The following ARHGAP42 variants were observed in gnomAD, a reference collection of about 807,000 sequenced individuals.
ARHGAP42 encodes Rho GTPase activating protein 42, also known as rho GTPase-activating protein 42.
In ARHGAP42, 63 loss-of-function variants were observed where a neutral mutation model predicts 125.0. The ratio of observed to expected loss-of-function variants is 0.50; its 90% confidence interval spans 0.41 to 0.62. The LOEUF (loss-of-function observed/expected upper bound fraction) is 0.62, where lower values mean the gene tolerates loss of function less well. ARHGAP42 is among the 20% of genes least tolerant of loss of function. The pLI is 0.00. For missense variants in ARHGAP42, 766 were observed against 1,024.2 expected (o/e 0.75, Z 3.44); for synonymous variants, 339 against 351.0 (o/e 0.97, Z 0.38).
chr11:100,698,642 T>C (rs1271811266), intron 1 of ARHGAP42, among the ~76,000 whole-genome samples: 3 of 152,128 alleles, frequency 2.0e-5, no homozygotes, highest in African/African-American at 4.8e-5. Context: ...GATCGTGCCA[T>C]TGTACTCTAG....
chr11:100,758,858 C>A (rs1486066128), intron 1 of ARHGAP42, among the ~76,000 whole-genome samples: 1 of 152,100 alleles, frequency 6.6e-6, no homozygotes, highest in African/African-American at 2.4e-5. Context: ...CAGAATTTAA[C>A]TAGTAGTGAG....
At chr11:100,887,407 C>T (rs1160009861) in intron 4 of ARHGAP42, among the ~76,000 whole-genome samples, 1 of 152,134 alleles carries the variant, frequency 6.6e-6, no homozygotes, top group Admixed American at 6.5e-5. Flanking sequence ...CATGATCTCT[C>T]CTCTGAGATT....
At chr11:100,951,299 C>T (rs1055989681) in intron 12 of ARHGAP42, among the ~76,000 whole-genome samples, 3 of 151,962 alleles carry the variant, frequency 2.0e-5, no homozygotes, top group Non-Finnish European at 4.4e-5. Flanking sequence ...TTATTGGAAT[C>T]AAGGAAAGTG....
At chr11:100,819,382 A>T (rs1864352850) in intron 3 of ARHGAP42, among the ~76,000 whole-genome samples, 1 of 152,074 alleles carries the variant, frequency 6.6e-6, no homozygotes, top group Admixed American at 6.6e-5. Context: ...TGGCAGGGAT[A>T]ATAACTTATG....
At chr11:100,852,585 A>T (rs1249816173) in intron 3 of ARHGAP42, among the ~76,000 whole-genome samples, 1 of 152,168 alleles carries the variant, frequency 6.6e-6, no homozygotes, top group Non-Finnish European at 1.5e-5. Context: ...ACACAAAGCC[A>T]CTTTCCCCCA....
At chr11:100,815,756 G>A (rs1239443224) in intron 3 of ARHGAP42, among the ~76,000 whole-genome samples, 2 of 152,180 alleles carry the variant, frequency 1.3e-5, no homozygotes, top group South Asian at 4.2e-4. Context: ...TCTAGAACTT[G>A]TCATCTTGCA....
chr11:100,789,911 G>A lies in ARHGAP42; in HGVS notation c.251-5194G>A, dbSNP rs1007191540. ...ACTTCTGGAAGAAATTTTTAACACA[G>A]CATTGTCTGATTATGATATAAATGT... On this transcript the variant is annotated intron_variant, in intron 2 of 23. Transcript: ENST00000298815. Among the ~76,000 whole-genome samples the A allele has an allele frequency of 5.3e-5, 8 of 152,134 alleles. No individual in the cohort carries two copies. In the South Asian group the frequency reaches 6.2e-4, roughly 12 times the overall value.
At position 100,812,346 on chromosome 11, in the gene ARHGAP42, A is replaced by G. The variant is rs145420912; in HGVS notation, c.312+17180A>G. Among the ~76,000 whole-genome samples the G allele has an allele frequency of 1.3e-4, 20 of 152,350 alleles. No individual in the cohort carries two copies. The East Asian group carries it at 3.7e-3, about 28-fold the overall frequency. On this transcript the variant is annotated intron_variant, in intron 3 of 23. Transcript: ENST00000298815. ...AAAGGATAGCAATAATTTATTTTCA[A>G]CAAATATTTATTAATCTCTTTCTCT...
chr11:100,739,594 T>C (rs956811354), intron 1 of ARHGAP42, among the ~76,000 whole-genome samples: 1 of 152,166 alleles, frequency 6.6e-6, no homozygotes, highest in Non-Finnish European at 1.5e-5. Flanking sequence ...ATTTCTAGAG[T>C]TTTTAAAGAA....
intron 4 of ARHGAP42, among the ~76,000 whole-genome samples, chr11:100,889,720 C>G (rs1263256043): frequency 1.3e-5 from 2 of 152,164 alleles, no homozygotes; most frequent in African/African-American, 4.8e-5. Context: ...CTCTTTTTCT[C>G]TGGAAGATGA....
At chr11:100,808,498 C>T (rs1202487419) in intron 3 of ARHGAP42, among the ~76,000 whole-genome samples, 2 of 150,528 alleles carry the variant, frequency 1.3e-5, no homozygotes, top group African/African-American at 2.4e-5. Context: ...CTCCGCTTCC[C>T]GGGTTCACGC....
At chr11:100,946,441 G>A (rs1415125574) in intron 10 of ARHGAP42, among the ~76,000 whole-genome samples, 1 of 151,932 alleles carries the variant, frequency 6.6e-6, no homozygotes, top group Non-Finnish European at 1.5e-5. Flanking sequence ...GGCTATCTTG[G>A]GTTTCAACAT....
intron 3 of ARHGAP42, among the ~76,000 whole-genome samples, chr11:100,804,311 TA>T (rs758162184): frequency 5.3e-5 from 8 of 152,078 alleles, no homozygotes; most frequent in Non-Finnish European, 1.2e-4. Context: ...CCTTGAGTAA[TA>T]AAAGTACTTC....
intron 4 of ARHGAP42, among the ~76,000 whole-genome samples, chr11:100,887,498 T>G (rs746560508): frequency 2.6e-5 from 4 of 152,256 alleles, no homozygotes; most frequent in Non-Finnish European, 5.9e-5. Flanking sequence ...GAAGTGAAGT[T>G]AAGTAATTTC....
At chr11:100,818,728 G>A (rs1267890007) in intron 3 of ARHGAP42, among the ~76,000 whole-genome samples, 5 of 152,120 alleles carry the variant, frequency 3.3e-5, no homozygotes, top group East Asian at 1.9e-4. Flanking sequence ...TATCTGATTC[G>A]AAGTGGTACG....
At chr11:100,820,629 A>G (rs575955750) in intron 3 of ARHGAP42, among the ~76,000 whole-genome samples, 9 of 152,188 alleles carry the variant, frequency 5.9e-5, no homozygotes, top group Non-Finnish European at 8.8e-5. Context: ...GTAATTTCAT[A>G]TTATTTTAAT....
intron 6 of ARHGAP42, among the ~76,000 whole-genome samples, chr11:100,923,083 T>C (rs929487439): frequency 6.6e-6 from 1 of 152,188 alleles, no homozygotes; most frequent in Non-Finnish European, 1.5e-5. Context: ...GAAGCTCATC[T>C]GGGGCTCATG....
intron 1 of ARHGAP42, among the ~76,000 whole-genome samples, chr11:100,721,812 A>G (rs1861763687): frequency 6.6e-6 from 1 of 152,166 alleles, no homozygotes; most frequent in African/African-American, 2.4e-5. Context: ...ATGATGTTAT[A>G]TGGATGTACA....
At chr11:100,866,198 A>G (rs190315317) in intron 4 of ARHGAP42, among the ~76,000 whole-genome samples, 1 of 152,326 alleles carries the variant, frequency 6.6e-6, no homozygotes, top group African/African-American at 2.4e-5. Context: ...TAAGTTTGAC[A>G]TGAGATTGCA....
Sources: allele counts gnomAD v4.1 joint callset (sites outside exome capture counted in the v4.1 genomes callset), GRCh38; gene constraint gnomAD v4.1.1; transcripts MANE v1.5; gene names NCBI Gene and HGNC (gene_info 2026-07-23, HGNC 2026-07-21).